The following CDC14B variants were observed in gnomAD, a reference collection of about 807,000 sequenced individuals.
CDC14B encodes the protein dual specificity protein phosphatase CDC14B.
CDC14B carries 22 observed loss-of-function variants against 64.2 expected under a neutral mutation model. That is an observed-to-expected ratio of 0.34 (90% CI 0.24 to 0.49). The LOEUF (loss-of-function observed/expected upper bound fraction) is 0.49, where lower values mean the gene tolerates loss of function less well. CDC14B is among the 20% of genes least tolerant of loss of function. The pLI is 0.99. For missense variants in CDC14B, 498 were observed against 629.9 expected, an observed-to-expected ratio of 0.79 and a Z score of 2.24; for synonymous variants, 191 against 215.8, an observed-to-expected ratio of 0.89 and a Z score of 1.01.
At chr9:96,519,423 C>T (rs547010576) in intron 12 of CDC14B, among the ~76,000 whole-genome samples, 24 of 152,018 alleles carry the variant, frequency 1.6e-4, no homozygotes, top group Non-Finnish European at 3.2e-4. Context: ...AAACTCTCCC[C>T]CAAAACTGAC....
intron 4 of CDC14B, among the ~76,000 whole-genome samples, chr9:96,555,698 A>C (rs1194495024): frequency 6.6e-6 from 1 of 152,238 alleles, no homozygotes; most frequent in Non-Finnish European, 1.5e-5. Flanking sequence ...TCTAGGATAA[A>C]GACTCTCTCT....
intron 12 of CDC14B, among the ~76,000 whole-genome samples, chr9:96,516,893 G>A (rs1036278068): frequency 2.6e-5 from 4 of 151,934 alleles, no homozygotes; most frequent in African/African-American, 9.7e-5. Context: ...CCGGGTTCAA[G>A]CAATTCTGCC....
In CDC14B at chr9:96,522,733, C is replaced by G. The variant is rs544037616; in HGVS notation, c.1246-130G>C. ...AGCTCTAGAATATTTTTCCCTTTCA[C>G]AATCAAGCTTCAGGTGACATTTTAA... On this transcript the variant is annotated intron_variant, in intron 11 of 13. Coordinates refer to ENST00000375241, the MANE Select transcript of CDC14B (RefSeq NM_033331.4). The G allele has an allele frequency of 2.7e-4, 178 of 649,406 alleles. 2 individuals are homozygous for G. In the African/African-American group the frequency reaches 2.9e-3, roughly 11 times the overall value. 40.2% of individuals were successfully genotyped at this position (649,406 alleles called of 1,614,324 possible).
intron 13 of CDC14B, among the ~76,000 whole-genome samples, 193 bp downstream of exon 13, chr9:96,509,480 C>A (rs557752853): frequency 6.6e-4 from 100 of 152,248 alleles, no homozygotes; most frequent in African/African-American, 2.4e-3. Context: ...TTCTAAAAAA[C>A]AAAACAAAAG....
At chr9:96,557,302 G>A (rs1340697295) in intron 4 of CDC14B, among the ~76,000 whole-genome samples, 2 of 152,218 alleles carry the variant, frequency 1.3e-5, no homozygotes, top group South Asian at 2.1e-4. Context: ...TACTACTGAC[G>A]GTTGCCTCGT....
intron 1 of CDC14B, among the ~76,000 whole-genome samples, chr9:96,590,882 T>C (rs1159998165): frequency 1.3e-5 from 2 of 152,210 alleles, no homozygotes; most frequent in African/African-American, 2.4e-5. Flanking sequence ...GCAGTTTTCA[T>C]ACGCTCATTG....
chr9:96,609,773 A>G (rs1847190654), intron 1 of CDC14B, among the ~76,000 whole-genome samples: 1 of 152,244 alleles, frequency 6.6e-6, no homozygotes, highest in Non-Finnish European at 1.5e-5. Flanking sequence ...AGAACAATAA[A>G]TATCACAGAC....
chr9:96,521,404 T>C (rs1426553987), intron 12 of CDC14B, among the ~76,000 whole-genome samples: 1 of 152,188 alleles, frequency 6.6e-6, no homozygotes, highest in Non-Finnish European at 1.5e-5. Flanking sequence ...TAAAAAAGTA[T>C]AGTTGACTAA....
In CDC14B at chr9:96,541,868, A is replaced by C; in HGVS notation, c.522T>G (p.Asn174Lys). Residue 174 changes from asparagine to lysine, a missense_variant, in exon 6 of 14, where the codon AAT (asparagine) becomes AAG (lysine). Physicochemically the swap from Asn to Lys is moderately conservative, Grantham distance 94. Transcript: ENST00000375241. ...AACAGTCAAGAAGTGTAATGTAGAA[A>C]TTGCAACTTCCATAGGCAGCATCTC... Reference protein sequence around the residue: ...PFRDAAYGSCNFYITLLDCFH... With the variant: ...PFRDAAYGSCKFYITLLDCFH... 6.2e-7 allele frequency: 1 copy of C among 1,609,706 alleles called. No individual in the cohort carries two copies. The highest frequency in any genetic ancestry group is 2.2e-5 in the East Asian group (1 of 44,760).
chr9:96,501,399 C>T lies in CDC14B; in HGVS notation c.*2354G>A, dbSNP rs1430442722. The T allele has an allele frequency of 6.6e-6, 1 of 152,160 alleles. No homozygotes were observed. Among genetic ancestry groups the T allele is most frequent in the East Asian group, 1.9e-4 (1 of 5,200 alleles). The allele number at this position is 152,160 out of a possible 1,614,324, so 9.4% of individuals were successfully genotyped here. On this transcript the variant is annotated 3_prime_UTR_variant, in exon 14 of 14. Coordinates refer to ENST00000375241, the MANE Select transcript of CDC14B (RefSeq NM_033331.4). ...GCAACAAGGTCTTCTATAACAACGA[C>T]TCTAAGTCAGAATTCCAGAAGATTC...
chr9:96,508,035 A>G (rs994667770), intron 13 of CDC14B, among the ~76,000 whole-genome samples: 34 of 150,870 alleles, frequency 2.3e-4, no homozygotes, highest in African/African-American at 7.3e-4. Flanking sequence ...TTCTTTTTTG[A>G]GACAGAGTCT....
At position 96,502,855 on chromosome 9, in the gene CDC14B, CT is replaced by C. The variant is rs112876148; in HGVS notation, c.*897del. 0.23 allele frequency: 69,615 copies of C among 308,600 alleles called. 6,132 individuals carry two copies. Among genetic ancestry groups the C allele is most frequent in the Middle Eastern group, 0.28 (327 of 1,162 alleles). The allele number at this position is 308,600 out of a possible 1,614,324, so 19.1% of individuals were successfully genotyped here. On this transcript the variant is annotated 3_prime_UTR_variant, in exon 14 of 14. Transcript: ENST00000375241. Reference sequence around the variant, plus strand: ...GGGAAGGACTCTAAAAAAGTGGTAACTTTTTTTTTTTGTAAGCCGACATTAT... The same window carrying C: ...GGGAAGGACTCTAAAAAAGTGGTAACTTTTTTTTTTGTAAGCCGACATTAT...
At chr9:96,594,800 G>A (rs1048928177) in intron 1 of CDC14B, among the ~76,000 whole-genome samples, 3 of 150,354 alleles carry the variant, frequency 2.0e-5, no homozygotes, top group Non-Finnish European at 4.4e-5. Flanking sequence ...ATGAGTGCTT[G>A]TTCTCAGCAC....
chr9:96,553,173 AAG>A (rs1842049121), intron 4 of CDC14B, among the ~76,000 whole-genome samples: 1 of 152,154 alleles, frequency 6.6e-6, no homozygotes, highest in African/African-American at 2.4e-5. Context: ...TCACTGGACT[AAG>A]AGAAATTTTT....
At position 96,525,279 on chromosome 9, in the gene CDC14B, A is replaced by G. The variant is rs183860463; in HGVS notation, c.947-1554T>C. ...GGATTATACCAGCAGAGACACTGGC[A>G]TCTTGCACTAAAGGGGATGGACATG... is the stretch of plus-strand genomic sequence containing the variant. On this transcript the variant is annotated intron_variant, in intron 9 of 13. Transcript: ENST00000375241. 5.8e-3 allele frequency among the ~76,000 whole-genome samples: 890 copies of G among 152,278 alleles called. 3 individuals are homozygous for G. Among genetic ancestry groups the G allele is most frequent in the Admixed American group, 8.2e-3 (125 of 15,284 alleles).
At chr9:96,526,498 T>G (rs1415391135) in intron 9 of CDC14B, among the ~76,000 whole-genome samples, 1 of 152,202 alleles carries the variant, frequency 6.6e-6, no homozygotes, top group African/African-American at 2.4e-5. Context: ...GCCTTGCCCT[T>G]AGACTTCTAG....
At chr9:96,514,213 T>C (rs1835300420) in intron 12 of CDC14B, among the ~76,000 whole-genome samples, 1 of 152,182 alleles carries the variant, frequency 6.6e-6, no homozygotes, top group Non-Finnish European at 1.5e-5. Context: ...TGTTTAAACT[T>C]ACCCTGGGAA....
chr9:96,514,500 C>T (rs1835345532), intron 12 of CDC14B: 1 of 985,338 alleles, frequency 1.0e-6, no homozygotes, highest in African/African-American at 1.7e-5. Context: ...GCAAGTTAAG[C>T]AGGTTTTGCC....
At chr9:96,505,685 A>G (rs886226296) in intron 13 of CDC14B, among the ~76,000 whole-genome samples, 14 of 152,210 alleles carry the variant, frequency 9.2e-5, no homozygotes, top group Non-Finnish European at 7.3e-5. Context: ...AGTGGGAGGT[A>G]GAGAAGCCCA....
Sources: allele counts gnomAD v4.1 joint callset (sites outside exome capture counted in the v4.1 genomes callset), GRCh38; gene constraint gnomAD v4.1.1; transcripts MANE v1.5; gene names NCBI Gene and HGNC (gene_info 2026-07-23, HGNC 2026-07-21).